PCDHGB6: variants seen among roughly 807,000 people sequenced by gnomAD.
PCDHGB6 encodes the protein protocadherin gamma subfamily B, 6.
PCDHGB6 carries 51 observed loss-of-function variants against 59.1 expected under a neutral mutation model. The ratio of observed to expected loss-of-function variants is 0.86; its 90% CI spans 0.69 to 1.09. The LOEUF (loss-of-function observed/expected upper bound fraction) is 1.09, where lower values mean the gene tolerates loss of function less well. Ranked by LOEUF, PCDHGB6 falls within the 50% of genes least tolerant of loss-of-function variation. The pLI is 0.00. For synonymous variants in PCDHGB6, 466 were observed against 495.1 expected, an observed-to-expected ratio of 0.94 and a Z score of 0.78; for missense variants, 1,148 against 1,205.1, an observed-to-expected ratio of 0.95 and a Z score of 0.70.
chr5:141,415,588 A>G lies in PCDHGB6; in HGVS notation c.2418+4968A>G, dbSNP rs769216282. 3.3e-5 allele frequency: 53 copies of G among 1,613,874 alleles called. No individual in the cohort carries two copies. Among genetic ancestry groups the G allele is most frequent in the Admixed American group, 3.3e-5 (2 of 59,998 alleles). ...TTTGTTAGATGATTCGAAGTTTCCT[A>G]TAGAGGATACCCCATTGGTTCCAGT... On this transcript the variant is annotated intron_variant, in intron 1 of 3. Transcript: ENST00000520790.
rs764692908 is a variant in PCDHGB6 at position 141,431,246 on chromosome 5, G to C, written c.2418+20626G>C. On this transcript the variant is annotated intron_variant, in intron 1 of 3. Coordinates refer to ENST00000520790, the MANE Select transcript of PCDHGB6 (RefSeq NM_018926.3). The surrounding 1 kb of genome is among the most constrained non-coding windows in gnomAD (Gnocchi z 4.8). ...ACCCCACGCCTGGGATCCGGATATC[G>C]GGAAGAACTCTCTGCAGAGCTACGA... 9 of 1,613,982 alleles carry C rather than the reference G, an allele frequency of 5.6e-6. No individual in the cohort carries two copies. Among genetic ancestry groups the C allele is most frequent in the Non-Finnish European group, 7.6e-6 (9 of 1,180,050 alleles).
chr5:141,498,093 G>T (rs975304630), intron 2 of PCDHGB6, among the ~76,000 whole-genome samples: 4 of 152,220 alleles, frequency 2.6e-5, no homozygotes, highest in Admixed American at 1.3e-4. Context: ...AATTGTATCT[G>T]GTGGTGTGGG....
At position 141,511,319 on chromosome 5, in the gene PCDHGB6, C is replaced by T. The variant is rs2099883711; in HGVS notation, c.*146C>T. On this transcript the variant is annotated 3_prime_UTR_variant, in exon 4 of 4. Coordinates refer to ENST00000520790, the MANE Select transcript of PCDHGB6 (RefSeq NM_018926.3). ...CCATGCTCCCCTTGGGAAACAGAAA[C>T]AAGTGCCCAGTCAGCACCTACCCCT... 1.4e-6 allele frequency: 2 copies of T among 1,477,302 alleles called. No homozygotes were observed. The highest frequency in any genetic ancestry group is 1.4e-5 in the African/African-American group (1 of 70,920). 91.5% of individuals were successfully genotyped at this position (1,477,302 alleles called of 1,614,324 possible).
At chr5:141,509,720 A>G (rs916316577) in intron 3 of PCDHGB6, among the ~76,000 whole-genome samples, 6 of 151,974 alleles carry the variant, frequency 3.9e-5, no homozygotes, top group Admixed American at 3.3e-4. Context: ...GTCTGATGTC[A>G]CCTAGCTGTG....
At chr5:141,478,044 C>G in intron 1 of PCDHGB6, 1 of 1,614,184 alleles carries the variant, frequency 6.2e-7, no homozygotes. Flanking sequence ...CCCAGGCAGA[C>G]TCTCACGGTC....
chr5:141,412,898 C>T (rs1300324880), intron 1 of PCDHGB6: 2 of 361,136 alleles, frequency 5.5e-6, no homozygotes, highest in Non-Finnish European at 9.8e-6. Context: ...AGTTTACTTT[C>T]CATTGCATGT....
Position 141,432,205 on chromosome 5 carries a change from A to G in PCDHGB6, c.2418+21585A>G, listed in dbSNP as rs764567227. 1 of 1,614,180 alleles carries G rather than the reference A, an allele frequency of 6.2e-7. No individual in the cohort carries two copies. Among genetic ancestry groups the G allele is most frequent in the South Asian group, 1.1e-5 (1 of 91,074 alleles). On this transcript the variant is annotated intron_variant, in intron 1 of 3. Transcript: ENST00000520790. This position sits in a 1 kb window ranked among gnomAD's most constrained non-coding sequence, Gnocchi z 6.0. The stretch of plus-strand genomic sequence containing the variant: ...TGACCGCCCACGACCCCGACTGTGA[A>G]GAGAACGCCCAGATCACTTATTCCC...
intron 1 of PCDHGB6, chr5:141,416,087 G>A (rs1201318552): frequency 1.2e-5 from 2 of 165,800 alleles, no homozygotes; most frequent in East Asian, 3.3e-4. Flanking sequence ...TTCCCAAGGA[G>A]AAGGGCAATA....
At position 141,502,866 on chromosome 5, in the gene PCDHGB6, C is replaced by CTTTTTTTTTTT. The variant is rs549047197; in HGVS notation, c.2478-2523_2478-2513dup. Among the ~76,000 whole-genome samples the CTTTTTTTTTTT allele has an allele frequency of 4.4e-4, 56 of 128,014 alleles. 1 individual carries two copies. The highest frequency in any genetic ancestry group is 5.1e-4 in the Non-Finnish European group (32 of 62,412). The allele number at this position is 128,014 out of a possible 152,430, so 84.0% of individuals were successfully genotyped here. ...GAGCTGCCTAACCCTGACTCTCTGTCTTTTTTTTTTTTTTGACAGGGAGTC... is the reference window on the plus strand; with the variant it reads ...GAGCTGCCTAACCCTGACTCTCTGTCTTTTTTTTTTTTTTTTTTTTTTTTTGACAGGGAGTC... On this transcript the variant is annotated intron_variant, in intron 2 of 3. Coordinates refer to ENST00000520790, the MANE Select transcript of PCDHGB6 (RefSeq NM_018926.3).
chr5:141,481,257 A>T (rs2099534664), intron 1 of PCDHGB6, among the ~76,000 whole-genome samples: 1 of 152,172 alleles, frequency 6.6e-6, no homozygotes, highest in African/African-American at 2.4e-5. Context: ...GCTCTAAAAG[A>T]TCACTGTAGG....
At chr5:141,417,304 AG>A (rs1315238937) in intron 1 of PCDHGB6, 1 of 152,318 alleles carries the variant, frequency 6.6e-6, no homozygotes, top group East Asian at 1.9e-4. Context: ...CTCTGGATGG[AG>A]GAATTGGATA....
Position 141,487,246 on chromosome 5 carries a change from C to T in PCDHGB6, c.2419-7561C>T. 1 of 1,614,166 alleles carries T rather than the reference C, an allele frequency of 6.2e-7. No individual in the cohort carries two copies. The highest frequency in any genetic ancestry group is 8.5e-7 in the Non-Finnish European group (1 of 1,180,014). ...GGGAAGGAGAATCTCGTCTAACCCTCTACTTGGCTGTGTCCCTAGTGGCAA... is the reference window on the plus strand; with the variant it reads ...GGGAAGGAGAATCTCGTCTAACCCTTTACTTGGCTGTGTCCCTAGTGGCAA... On this transcript the variant is annotated intron_variant, in intron 1 of 3. Coordinates refer to ENST00000520790, the MANE Select transcript of PCDHGB6 (RefSeq NM_018926.3). This position sits in a 1 kb window ranked among gnomAD's most constrained non-coding sequence, Gnocchi z 5.0.
At chr5:141,466,938 G>C (rs985959499) in intron 1 of PCDHGB6, among the ~76,000 whole-genome samples, 1 of 151,854 alleles carries the variant, frequency 6.6e-6, no homozygotes, top group Non-Finnish European at 1.5e-5. Context: ...TTAGTCCTTT[G>C]TCCAGTAAAC....
chr5:141,512,712 A>G lies in PCDHGB6; in HGVS notation c.*1539A>G, dbSNP rs1362654237. 1 of 152,806 alleles carries G rather than the reference A, an allele frequency of 6.5e-6. No homozygotes were observed. The highest frequency in any genetic ancestry group is 2.4e-5 in the African/African-American group (1 of 41,414). 9.5% of individuals were successfully genotyped at this position (152,806 alleles called of 1,614,324 possible). On this transcript the variant is annotated 3_prime_UTR_variant, in exon 4 of 4. Coordinates refer to ENST00000520790, the MANE Select transcript of PCDHGB6 (RefSeq NM_018926.3). Reference sequence around the variant, plus strand: ...GTGTAGTGCGGTGTGCTTTTACGTGATGGCGGGTGGGCAGCGGGCGGCGGG... The same window carrying G: ...GTGTAGTGCGGTGTGCTTTTACGTGGTGGCGGGTGGGCAGCGGGCGGCGGG...
chr5:141,449,389 T>C (rs577860793), intron 1 of PCDHGB6, among the ~76,000 whole-genome samples: 5 of 151,964 alleles, frequency 3.3e-5, no homozygotes, highest in African/African-American at 1.2e-4. Flanking sequence ...GGTGGATTAC[T>C]TGAGGCCAGG....
chr5:141,428,358 G>T, intron 1 of PCDHGB6: 1 of 565,492 alleles, frequency 1.8e-6, no homozygotes, highest in Non-Finnish European at 3.2e-6. Flanking sequence ...TGATTTTGGC[G>T]GTCGCCTTGC....
chr5:141,443,064 G>A (rs76234738), intron 1 of PCDHGB6, among the ~76,000 whole-genome samples: 48 of 152,264 alleles, frequency 3.2e-4, no homozygotes, highest in African/African-American at 1.1e-3. Context: ...ACTGAAGAGC[G>A]TCTTATGACT....
intron 1 of PCDHGB6, among the ~76,000 whole-genome samples, chr5:141,472,980 C>CAAAAAAAAAAAAAAAAA (rs60579131): frequency 5.8e-5 from 5 of 86,060 alleles, no homozygotes; most frequent in African/African-American, 3.9e-5. Context: ...GAGTGAAACT[C>CAAAAAAAAAAAAAAAAA]AAAAAAAAAA....
At chr5:141,494,940 AG>A (rs888721888) in intron 2 of PCDHGB6, 75 bp downstream of exon 2, 1 of 1,610,860 alleles carries the variant, frequency 6.2e-7, no homozygotes, top group Non-Finnish European at 8.5e-7. Flanking sequence ...GAGATGGGGG[AG>A]GGCCCAGCAT....
Sources: gnomAD v4.1 joint callset for allele counts (sites outside exome capture counted in the v4.1 genomes callset) on GRCh38, gnomAD v4.1.1 for gene constraint, Gnocchi (gnomAD v3.1) non-coding constraint, MANE v1.5 for transcripts, NCBI Gene and HGNC (gene_info 2026-07-23, HGNC 2026-07-21) for gene names.